The following FAM149A variants were observed in gnomAD, a reference collection of about 807,000 sequenced individuals.
FAM149A encodes protein FAM149A.
Under a neutral mutation model 78.2 loss-of-function variants are expected in FAM149A, and 71 were observed. The ratio of observed to expected loss-of-function variants is 0.91; its 90% CI spans 0.75 to 1.11. The LOEUF (loss-of-function observed/expected upper bound fraction) is 1.11, where lower values mean the gene tolerates loss of function less well. Ranked by LOEUF, FAM149A falls within the 50% of genes least tolerant of loss-of-function variation. The pLI, the probability that FAM149A is intolerant of heterozygous loss-of-function variation, is 0.00. For missense variants in FAM149A, 1,036 were observed against 971.0 expected (o/e 1.07, Z -0.89); for synonymous variants, 446 against 410.5 (o/e 1.09, Z -1.04).
intron 1 of FAM149A, chr4:186,125,935 C>T (rs779643451): frequency 1.0e-5 from 10 of 985,220 alleles, no homozygotes; most frequent in African/African-American, 1.7e-5. Context: ...GGCAAGAGCG[C>T]GAGGTAACAG....
chr4:186,157,665 C>T lies in FAM149A; in HGVS notation c.1521C>T (p.Ser507=), dbSNP rs2276923. Residue 507 remains serine, a synonymous_variant, in exon 8 of 14, where the codon TCC becomes TCT. Coordinates refer to ENST00000389354, the MANE Select transcript of FAM149A (RefSeq NM_001367768.3). ...CCGATGGAGCCAGTGGCCCCCCGTC[C>T]GGACACGCCGAGGCTCACGGCATCT... 28 of 1,613,876 alleles carry T rather than the reference C, an allele frequency of 1.7e-5. No individual in the cohort carries two copies. Among genetic ancestry groups the T allele is most frequent in the South Asian group, 1.2e-4 (11 of 91,056 alleles).
At chr4:186,110,141 A>G in intron 1 of FAM149A, 2 of 985,428 alleles carry the variant, frequency 2.0e-6, no homozygotes, top group Non-Finnish European at 2.4e-6. Flanking sequence ...CATAAAAGAC[A>G]TTTAGCAAAT....
intron 1 of FAM149A, among the ~76,000 whole-genome samples, chr4:186,131,212 G>T (rs951118716): frequency 2.0e-5 from 3 of 152,104 alleles, no homozygotes; most frequent in Non-Finnish European, 2.9e-5. Flanking sequence ...GCCAGGTGTG[G>T]GGGCACATGC....
At chr4:186,146,854 GA>G in intron 1 of FAM149A, 2 of 985,464 alleles carry the variant, frequency 2.0e-6, no homozygotes, top group Non-Finnish European at 1.2e-6. Flanking sequence ...ATTCTGTAGT[GA>G]AAATGAGTTC....
Position 186,105,336 on chromosome 4 carries a change from C to T in FAM149A, c.260C>T (p.Ala87Val), listed in dbSNP as rs2099308321. ...TCCCGGGGCTCCGCCGCCAGCCGCG[C>T]CGCGGGAGCAGTGGGGACCCTGCTC... is the stretch of plus-strand genomic sequence containing the variant. Residue 87 changes from alanine (A) to valine (V), a missense_variant, in exon 1 of 14, where the codon GCC becomes GTC. Physicochemically the swap from Ala to Val is moderately conservative, Grantham distance 64. Around this residue, in one of 3 missense-constraint regions of FAM149A, gnomAD observed 316 missense variants for 241.9 expected, o/e 1.31. Coordinates refer to ENST00000389354, the MANE Select transcript of FAM149A (RefSeq NM_001367768.3). 8.5e-7 allele frequency: 1 copy of T among 1,170,220 alleles called. No individual in the cohort carries two copies. The highest frequency in any genetic ancestry group is 1.1e-6 in the Non-Finnish European group (1 of 940,076). The allele number at this position is 1,170,220 out of a possible 1,614,324, so 72.5% of individuals were successfully genotyped here.
intron 13 of FAM149A, among the ~76,000 whole-genome samples, chr4:186,168,173 A>G (rs778421792): frequency 3.3e-5 from 5 of 152,182 alleles, no homozygotes; most frequent in Non-Finnish European, 7.3e-5. Flanking sequence ...ATAGTGATGT[A>G]GCATAGTGAT....
chr4:186,139,470 TG>T (rs1561397781), intron 1 of FAM149A, among the ~76,000 whole-genome samples: 2 of 151,604 alleles, frequency 1.3e-5, no homozygotes, highest in Admixed American at 1.3e-4. Context: ...AAGGAGGCCC[TG>T]GGGGCTTCTT....
At position 186,144,855 on chromosome 4, in the gene FAM149A, G is replaced by C; in HGVS notation, c.567-4318G>C. The C allele has an allele frequency of 3.4e-5, 33 of 978,824 alleles. No homozygotes were observed. Among genetic ancestry groups the C allele is most frequent in the Non-Finnish European group, 4.0e-5 (33 of 827,828 alleles). The allele number at this position is 978,824 out of a possible 1,614,324, so 60.6% of individuals were successfully genotyped here. A position where few individuals can be genotyped will look rare whatever the true frequency, so the allele number is the denominator to read the frequency against. ...GCGCGGGCGGGGCGGAGGATCTGGAGAGGGAAGGGGCGTGCGAGCCCCGCG... is the reference window on the plus strand; with the variant it reads ...GCGCGGGCGGGGCGGAGGATCTGGACAGGGAAGGGGCGTGCGAGCCCCGCG... On this transcript the variant is annotated intron_variant, in intron 1 of 13. Coordinates refer to ENST00000389354, the MANE Select transcript of FAM149A (RefSeq NM_001367768.3). This position sits in a 1 kb window ranked among gnomAD's most constrained non-coding sequence, Gnocchi z 4.2.
At chr4:186,107,016 A>G (rs1000976006) in intron 1 of FAM149A, among the ~76,000 whole-genome samples, 1 of 152,256 alleles carries the variant, frequency 6.6e-6, no homozygotes, top group African/African-American at 2.4e-5. Flanking sequence ...TCATTAAAAA[A>G]TACTATATTA....
intron 4 of FAM149A, 93 bp downstream of exon 4, chr4:186,152,138 G>A (rs1208951438): frequency 1.6e-5 from 20 of 1,253,554 alleles, no homozygotes; most frequent in Non-Finnish European, 2.3e-5. Flanking sequence ...TGGTGTGAAA[G>A]TGCCTGCCCA....
chr4:186,120,527 C>T (rs1047925690), intron 1 of FAM149A, among the ~76,000 whole-genome samples: 2 of 152,016 alleles, frequency 1.3e-5, no homozygotes, highest in Non-Finnish European at 2.9e-5. Flanking sequence ...GGCGCGGTGG[C>T]TCACACCTGT....
intron 1 of FAM149A, among the ~76,000 whole-genome samples, chr4:186,122,228 G>C (rs1184013171): frequency 6.6e-6 from 1 of 152,174 alleles, no homozygotes; most frequent in Non-Finnish European, 1.5e-5. Flanking sequence ...CTTTAAAACT[G>C]TCAGTGTCAG....
At position 186,172,121 on chromosome 4, in the gene FAM149A, A is replaced by T; in HGVS notation, c.*134A>T. 7.6e-7 allele frequency: 1 copy of T among 1,311,136 alleles called. No individual in the cohort carries two copies. The highest frequency in any genetic ancestry group is 2.8e-5 in the East Asian group (1 of 36,142). The allele number at this position is 1,311,136 out of a possible 1,614,324, so 81.2% of individuals were successfully genotyped here. A position where few individuals can be genotyped will look rare whatever the true frequency, so the allele number is the denominator to read the frequency against. The stretch of plus-strand genomic sequence containing the variant: ...ATGTTAGACCGAGAGAAAAGCAAAC[A>T]AATAAATCACTTAATCTTGAACACT... On this transcript the variant is annotated 3_prime_UTR_variant, in exon 14 of 14. Transcript: ENST00000389354.
chr4:186,130,293 C>CTCTCTCTATATATATATA, intron 1 of FAM149A: 9 of 46,586 alleles, frequency 1.9e-4, no homozygotes, highest in South Asian at 1.1e-3. Context: ...CTCTCTCTCT[C>CTCTCTCTATATATATATA]TATATATATA....
At position 186,160,191 on chromosome 4, in the gene FAM149A, TAC is replaced by T. The variant is rs559639341; in HGVS notation, c.1575+2479_1575+2480del. On this transcript the variant is annotated intron_variant, in intron 8 of 13. Transcript: ENST00000389354. ...CACCACACACCAAACACATACCACATACACACACTACACACACACCACTCACC... is the reference window on the plus strand; with the variant it reads ...CACCACACACCAAACACATACCACATACACACTACACACACACCACTCACC... Among the ~76,000 whole-genome samples, 3 of 82,986 alleles carry T rather than the reference TAC, an allele frequency of 3.6e-5. No homozygotes were observed. The East Asian group carries it at 1.3e-3, about 37-fold the overall frequency. The allele number at this position is 82,986 out of a possible 152,430, so 54.4% of individuals were successfully genotyped here.
intron 1 of FAM149A, among the ~76,000 whole-genome samples, chr4:186,141,266 T>C (rs1279081805): frequency 6.6e-6 from 1 of 152,218 alleles, no homozygotes; most frequent in Non-Finnish European, 1.5e-5. Context: ...GCATGAAATA[T>C]GTTATTGGTG....
intron 4 of FAM149A, chr4:186,153,238 A>C: frequency 1.0e-6 from 1 of 977,378 alleles, no homozygotes; most frequent in Non-Finnish European, 1.2e-6. Flanking sequence ...CCAAGTGTGC[A>C]TATTTATATA....
intron 1 of FAM149A, among the ~76,000 whole-genome samples, chr4:186,134,099 C>T (rs1409372064): frequency 1.3e-5 from 2 of 152,300 alleles, no homozygotes; most frequent in East Asian, 1.9e-4. Flanking sequence ...CGGTGATGCA[C>T]GAGGATTCCC....
intron 6 of FAM149A, chr4:186,155,087 CG>C (rs1279452058): frequency 1.1e-5 from 3 of 261,282 alleles, no homozygotes; most frequent in Non-Finnish European, 1.8e-5. Context: ...CTCAGCCTCC[CG>C]AGTAGCTGGA....
Sources: allele counts gnomAD v4.1 joint callset (sites outside exome capture counted in the v4.1 genomes callset), GRCh38; gene constraint gnomAD v4.1.1; regional missense constraint gnomAD v4.1.1; non-coding constraint Gnocchi (gnomAD v3.1); transcripts MANE v1.5; gene names NCBI Gene and HGNC (gene_info 2026-07-23, HGNC 2026-07-21).